Variants in FAT4 observed in about 807,000 individuals in gnomAD.
The protein encoded by FAT4 is FAT atypical cadherin 4, also known as protocadherin Fat 4.
FAT4 carries 84 observed loss-of-function variants against 303.9 expected under a neutral mutation model. The observed-to-expected ratio is 0.28, with a 90% confidence interval of 0.23 to 0.33. The LOEUF (loss-of-function observed/expected upper bound fraction) is 0.33, where lower values mean the gene tolerates loss of function less well. FAT4 is among the 10% of genes least tolerant of loss of function. The probability of loss-of-function intolerance (pLI) is 1.00; values close to 1 mark genes in which losing one functional copy is unlikely to be tolerated. For missense variants in FAT4, 6,005 were observed against 6,146.8 expected, an observed-to-expected ratio of 0.98 and a Z score of 0.77; for synonymous variants, 2,307 against 2,298.8, an observed-to-expected ratio of 1.00 and a Z score of -0.10.
Position 125,490,248 on chromosome 4 carries a change from G to T in FAT4, c.13432G>T (p.Gly4478Trp), listed in dbSNP as rs758048010. 1.1e-5 allele frequency: 18 copies of T among 1,614,114 alleles called. No homozygotes were observed. Among genetic ancestry groups the T allele is most frequent in the Non-Finnish European group, 1.5e-5 (18 of 1,180,030 alleles). Residue 4478 changes from glycine to tryptophan, a missense_variant, in exon 18 of 18, where the codon GGG becomes TGG. By Grantham distance (184) the Gly-to-Trp change is radical. Transcript: ENST00000394329. ...CTGTCTTGGCGTCCTCTGTCCTCAG[G>T]GGAAGGTGTGCAAAGCTGGAAGTCC... ...VACLGVLCPQ[G>W]KVCKAGSPAG...
At position 125,319,761 on chromosome 4, in the gene FAT4, C is replaced by T. The variant is rs1228464959; in HGVS notation, c.3350C>T (p.Ser1117Leu). 14 of 1,614,160 alleles carry T rather than the reference C, an allele frequency of 8.7e-6. No homozygotes were observed. The highest frequency in any genetic ancestry group is 6.7e-5 in the Admixed American group (4 of 60,026). Reference protein sequence around the residue: ...FYFEEEQRAGSFVGKVSAVDK... With the variant: ...FYFEEEQRAGLFVGKVSAVDK... Reference sequence around the variant, plus strand: ...TTCGAAGAAGAGCAGAGGGCTGGGTCGTTTGTGGGCAAAGTAAGTGCTGTA... The same window carrying T: ...TTCGAAGAAGAGCAGAGGGCTGGGTTGTTTGTGGGCAAAGTAAGTGCTGTA... Residue 1117 changes from serine to leucine, a missense_variant, in exon 2 of 18, where the codon TCG (serine) becomes TTG (leucine). Coordinates refer to ENST00000394329, the MANE Select transcript of FAT4 (RefSeq NM_001291303.3).
At chr4:125,381,306 T>C (rs1251670887) in intron 2 of FAT4, among the ~76,000 whole-genome samples, 1 of 152,234 alleles carries the variant, frequency 6.6e-6, no homozygotes, top group Non-Finnish European at 1.5e-5. Flanking sequence ...TATATTGCTA[T>C]GATCAGTTTG....
intron 8 of FAT4, among the ~76,000 whole-genome samples, chr4:125,437,970 C>T (rs1725518347): frequency 6.6e-6 from 1 of 152,150 alleles, no homozygotes; most frequent in Non-Finnish European, 1.5e-5. Context: ...AATGTCAACC[C>T]ATATTGTTCT....
At chr4:125,339,370 G>A (rs1731690596) in intron 2 of FAT4, among the ~76,000 whole-genome samples, 1 of 151,768 alleles carries the variant, frequency 6.6e-6, no homozygotes, top group African/African-American at 2.4e-5. Flanking sequence ...TAATTTTTTT[G>A]TATTTTTAGT....
chr4:125,399,583 T>C (rs1734306637), intron 3 of FAT4, among the ~76,000 whole-genome samples: 1 of 151,968 alleles, frequency 6.6e-6, no homozygotes, highest in South Asian at 2.1e-4. Context: ...TTTCTTCCTC[T>C]CATCTAAACT....
intron 2 of FAT4, among the ~76,000 whole-genome samples, chr4:125,386,940 A>C (rs1365686341): frequency 6.6e-6 from 1 of 152,114 alleles, no homozygotes; most frequent in Non-Finnish European, 1.5e-5. Context: ...TTTGGGATGA[A>C]AGTGTTCCAC....
At chr4:125,423,192 A>G (rs1403399288) in intron 7 of FAT4, among the ~76,000 whole-genome samples, 1 of 152,228 alleles carries the variant, frequency 6.6e-6, no homozygotes, top group Non-Finnish European at 1.5e-5. Context: ...TTGCATGAGT[A>G]ACCAAGAGCT....
chr4:125,354,256 A>G (rs1732344269), intron 2 of FAT4, among the ~76,000 whole-genome samples: 1 of 151,764 alleles, frequency 6.6e-6, no homozygotes, highest in African/African-American at 2.4e-5. Context: ...AAATTAATAT[A>G]AAGTTTTAAT....
chr4:125,439,499 A>ATT (rs58479752), intron 8 of FAT4, among the ~76,000 whole-genome samples: 34 of 145,084 alleles, frequency 2.3e-4, no homozygotes, highest in South Asian at 2.0e-3. Context: ...TGCCCGGCTA[A>ATT]TTTTTTTTTT....
intron 2 of FAT4, among the ~76,000 whole-genome samples, chr4:125,347,489 T>C (rs1732049781): frequency 6.6e-6 from 1 of 151,402 alleles, no homozygotes. Context: ...AAGAGATGGC[T>C]GCTAACACTT....
intron 2 of FAT4, among the ~76,000 whole-genome samples, chr4:125,349,349 G>A (rs1026290679): frequency 2.6e-5 from 4 of 151,758 alleles, no homozygotes; most frequent in African/African-American, 7.2e-5. Context: ...AGTATCACAT[G>A]AGGGTAAATG....
At position 125,476,193 on chromosome 4, in the gene FAT4, C is replaced by T; in HGVS notation, c.12236C>T (p.Ser4079Phe). 2 of 1,600,384 alleles carry T rather than the reference C, an allele frequency of 1.2e-6. No individual in the cohort carries two copies. Among genetic ancestry groups the T allele is most frequent in the Non-Finnish European group, 1.7e-6 (2 of 1,170,894 alleles). ...AGMAASLTVD[S>F]CSENQEPGYC... is the part of the protein sequence containing the mutation. ...TAGGCAGCCTCCTTAACTGTGGACT[C>T]CTGTTCTGAGAACCAAGAGCCAGGA... The change falls in exon 13 of 18, where the codon TCC (serine) becomes TTC (phenylalanine). Residue 4079 changes from serine (S) to phenylalanine (F), a missense_variant. Ser to Phe is a radical substitution (Grantham distance 155). Transcript: ENST00000394329.
In FAT4 at chr4:125,425,997, A is replaced by G. The variant is rs544660904; in HGVS notation, c.7019-8248A>G. Among the ~76,000 whole-genome samples the G allele has an allele frequency of 2.0e-5, 3 of 152,202 alleles. No individual in the cohort carries two copies. The East Asian group carries it at 5.8e-4, about 29-fold the overall frequency. On this transcript the variant is annotated intron_variant, in intron 7 of 17. Coordinates refer to ENST00000394329, the MANE Select transcript of FAT4 (RefSeq NM_001291303.3). ...AAATTGCTTTTTAATGGAGGGAAAC[A>G]TGCTGTTTTTGCAAAGTTAATGCTA...
At chr4:125,419,989 G>A (rs1042995042) in intron 7 of FAT4, among the ~76,000 whole-genome samples, 2 of 152,178 alleles carry the variant, frequency 1.3e-5, no homozygotes, top group African/African-American at 4.8e-5. Flanking sequence ...TCTCTGCCTG[G>A]AATTTTCTAT....
At chr4:125,489,867 T>A in intron 17 of FAT4, 34 bp from the exon 18 acceptor site, 1 of 1,074,070 alleles carries the variant, frequency 9.3e-7, no homozygotes, top group Non-Finnish European at 1.2e-6. Flanking sequence ...TTTTTTTTTT[T>A]TGTAAAAAGC....
At chr4:125,464,786 C>A (rs989352289) in intron 11 of FAT4, among the ~76,000 whole-genome samples, 1 of 152,022 alleles carries the variant, frequency 6.6e-6, no homozygotes, top group East Asian at 1.9e-4. Context: ...TTTGTCCTTG[C>A]GATAGTTTGC....
At chr4:125,338,490 C>G (rs1220220684) in intron 2 of FAT4, among the ~76,000 whole-genome samples, 2 of 152,120 alleles carry the variant, frequency 1.3e-5, no homozygotes, top group East Asian at 3.9e-4. Context: ...ATGCATAGTT[C>G]AGGTCAGATA....
chr4:125,330,505 G>T (rs1489349909), intron 2 of FAT4, among the ~76,000 whole-genome samples: 1 of 152,196 alleles, frequency 6.6e-6, no homozygotes, highest in Non-Finnish European at 1.5e-5. Context: ...CACTATATAT[G>T]TATAGGGGTG....
intron 8 of FAT4, among the ~76,000 whole-genome samples, chr4:125,441,990 A>G (rs566110408): frequency 1.4e-4 from 21 of 152,328 alleles, no homozygotes; most frequent in Admixed American, 1.3e-3. Flanking sequence ...AGCCATGCCC[A>G]TTCATGTACC....
Sources: allele counts gnomAD v4.1 joint callset (sites outside exome capture counted in the v4.1 genomes callset), GRCh38; gene constraint gnomAD v4.1.1; transcripts MANE v1.5; gene names NCBI Gene and HGNC (gene_info 2026-07-23, HGNC 2026-07-21).